The following CYFIP2 variants were observed in gnomAD, a reference collection of about 807,000 sequenced individuals.
The protein encoded by CYFIP2 is cytoplasmic FMR1 interacting protein 2, also known as cytoplasmic FMR1-interacting protein 2.
CYFIP2 carries 29 observed loss-of-function variants against 158.7 expected under a neutral mutation model. The observed-to-expected ratio is 0.18, with a 90% CI of 0.14 to 0.25. The LOEUF (loss-of-function observed/expected upper bound fraction) is 0.25. CYFIP2 is among the 10% of genes least tolerant of loss of function. The pLI, the probability that CYFIP2 is intolerant of heterozygous loss-of-function variation, is 1.00. For synonymous variants in CYFIP2, 585 were observed against 617.6 expected (o/e 0.95, Z 0.78); for missense variants, 852 against 1,639.5 (o/e 0.52, Z 8.29).
chr5:157,368,543 A>G (rs994090245), intron 26 of CYFIP2, among the ~76,000 whole-genome samples: 8 of 152,176 alleles, frequency 5.3e-5, no homozygotes, highest in African/African-American at 1.4e-4. Flanking sequence ...CTTAGCCCAG[A>G]CACAGATTAT....
At chr5:157,338,659 T>C (rs1034412984) in intron 21 of CYFIP2, among the ~76,000 whole-genome samples, 39 of 152,244 alleles carry the variant, frequency 2.6e-4, no homozygotes, top group South Asian at 2.1e-4. Context: ...GTCATAGGGT[T>C]CAACCTAATA....
intron 23 of CYFIP2, among the ~76,000 whole-genome samples, chr5:157,357,427 T>G (rs1043642763): frequency 2.0e-5 from 3 of 152,254 alleles, no homozygotes; most frequent in Non-Finnish European, 4.4e-5. Flanking sequence ...TCTAACTAGC[T>G]AGCTAATAGA....
intron 9 of CYFIP2, among the ~76,000 whole-genome samples, chr5:157,308,634 T>G (rs567042196): frequency 1.3e-5 from 2 of 152,264 alleles, no homozygotes; most frequent in African/African-American, 2.4e-5. Context: ...ATGGAGGGCA[T>G]TAGATCGAGC....
intron 21 of CYFIP2, among the ~76,000 whole-genome samples, chr5:157,336,055 G>C (rs554835917): frequency 1.1e-4 from 16 of 152,228 alleles, no homozygotes; most frequent in African/African-American, 3.1e-4. Context: ...TCAGGGAAGC[G>C]CTCTCCGATG....
intron 15 of CYFIP2, 132 bp downstream of exon 15, chr5:157,320,934 C>T (rs931435611): frequency 8.8e-6 from 10 of 1,137,932 alleles, no homozygotes; most frequent in Non-Finnish European, 1.2e-5. Flanking sequence ...AGTGGCTGCT[C>T]CGGTCTTATT....
chr5:157,324,254 A>G (rs1414459153), intron 16 of CYFIP2, among the ~76,000 whole-genome samples, 180 bp downstream of exon 16: 2 of 152,268 alleles, frequency 1.3e-5, no homozygotes, highest in Non-Finnish European at 2.9e-5. Context: ...AGGAAAGGCC[A>G]GGTTCAACTC....
rs1325729324 is a variant in CYFIP2, at chr5:157,361,710, C to T, written c.3039+112C>T. 1 of 1,332,856 alleles carries T rather than the reference C, an allele frequency of 7.5e-7. No homozygotes were observed. The highest frequency in any genetic ancestry group is 1.0e-6 in the Non-Finnish European group (1 of 969,176). 82.6% of individuals were successfully genotyped at this position (1,332,856 alleles called of 1,614,324 possible). ...GATTTGTGCTTTGAGTACAAGCTCA[C>T]ATGCTCTTTTCAGTTCATTTCCAGA... On this transcript the variant is annotated intron_variant, in intron 26 of 30. Transcript: ENST00000620254. The surrounding 1 kb of genome is among the most constrained non-coding windows in gnomAD (Gnocchi z 4.4).
At chr5:157,341,353 C>T (rs1762237739) in intron 23 of CYFIP2, among the ~76,000 whole-genome samples, 196 bp downstream of exon 23, 1 of 151,978 alleles carries the variant, frequency 6.6e-6, no homozygotes, top group South Asian at 2.1e-4. Flanking sequence ...AATTTGAGAA[C>T]AGCCTGGACA....
At chr5:157,322,034 G>A (rs1581055740) in intron 15 of CYFIP2, among the ~76,000 whole-genome samples, 1 of 152,198 alleles carries the variant, frequency 6.6e-6, no homozygotes, top group Non-Finnish European at 1.5e-5. Context: ...GGAGAGGAGA[G>A]GAAGGAGTAT....
chr5:157,366,720 A>G (rs1196094585), intron 26 of CYFIP2, among the ~76,000 whole-genome samples: 1 of 152,160 alleles, frequency 6.6e-6, no homozygotes, highest in African/African-American at 2.4e-5. Context: ...ACAAATCAGC[A>G]TTTGTTAAGT....
At chr5:157,375,901 C>G (rs11957006) in intron 26 of CYFIP2, 15,143 of 152,048 alleles carry the variant, frequency 0.1, 1,043 homozygotes, top group East Asian at 0.27. Flanking sequence ...CCTCCTCTTG[C>G]CATCAGCAAA....
rs776871043 is a variant in CYFIP2, at chr5:157,311,688, C to T, written c.1017C>T (p.Ile339=). Residue 339 remains isoleucine, a synonymous_variant, in exon 11 of 31, where the codon ATC becomes ATT. Coordinates refer to ENST00000620254, the MANE Select transcript of CYFIP2 (RefSeq NM_001037333.3). The surrounding 1 kb of genome is among the most constrained non-coding windows in gnomAD (Gnocchi z 4.7). ...GGTGGACGTGCACCCAGAGCAGCAT[C>T]AGCCCCCAGTACAATATCTGCGAGC... is the stretch of plus-strand genomic sequence containing the variant. ...KSKWTCTQSS[I]SPQYNICEQM... 2.5e-6 allele frequency: 4 copies of T among 1,610,340 alleles called. No homozygotes were observed. The highest frequency in any genetic ancestry group is 2.2e-5 in the East Asian group (1 of 44,796).
chr5:157,379,496 A>C (rs1258618360), intron 26 of CYFIP2, among the ~76,000 whole-genome samples: 1 of 150,850 alleles, frequency 6.6e-6, no homozygotes, highest in Non-Finnish European at 1.5e-5. Flanking sequence ...ACAAAAAAAA[A>C]CTCCCAACTC....
intron 1 of CYFIP2, among the ~76,000 whole-genome samples, chr5:157,284,451 G>A (rs1185298839): frequency 1.3e-5 from 2 of 152,192 alleles, no homozygotes; most frequent in Non-Finnish European, 2.9e-5. Context: ...ATAAGTGAAT[G>A]TGACTTGTAG....
chr5:157,342,989 A>T, intron 23 of CYFIP2: 2 of 1,614,140 alleles, frequency 1.2e-6, no homozygotes, highest in Middle Eastern at 1.6e-4. Flanking sequence ...CTTGCGTGGC[A>T]TTTCCACCAG....
chr5:157,333,569 C>G lies in CYFIP2; in HGVS notation c.2385+123C>G, dbSNP rs115956235. ...GAGGGGCAGTGAGTCTCTTTCCCATCTGAATGGAGCTGGGAAAGAAAAACT... is the reference window on the plus strand; with the variant it reads ...GAGGGGCAGTGAGTCTCTTTCCCATGTGAATGGAGCTGGGAAAGAAAAACT... On this transcript the variant is annotated intron_variant, in intron 21 of 30. Coordinates refer to ENST00000620254, the MANE Select transcript of CYFIP2 (RefSeq NM_001037333.3). 9.9e-4 allele frequency: 1,336 copies of G among 1,350,488 alleles called. 12 individuals carry two copies. In the African/African-American group the frequency reaches 0.016, roughly 17 times the overall value. 83.7% of individuals were successfully genotyped at this position (1,350,488 alleles called of 1,614,324 possible). A position where few individuals can be genotyped will look rare whatever the true frequency, so the allele number is the denominator to read the frequency against.
intron 23 of CYFIP2, among the ~76,000 whole-genome samples, chr5:157,348,245 A>G (rs1251154990): frequency 6.6e-6 from 1 of 152,236 alleles, no homozygotes; most frequent in Admixed American, 6.5e-5. Context: ...CTGGATTGGC[A>G]CATGGGGAAA....
rs1399394532 is a variant in CYFIP2 at position 157,304,332 on chromosome 5, A to T, written c.761A>T (p.Tyr254Phe). ...ICVDYYENKM[Y>F]LTPSEKHMLL... ...GTGGATTACTACGAGAACAAGATGT[A>T]CCTGACTCCCAGTGAGAAACATATG... is the stretch of plus-strand genomic sequence containing the variant. Residue 254 changes from tyrosine to phenylalanine, a missense_variant, in exon 8 of 31, where the codon TAC (tyrosine) becomes TTC (phenylalanine). By Grantham distance (22) the Tyr-to-Phe change is conservative. Around this residue, in one of 8 missense-constraint regions of CYFIP2, gnomAD observed 133 missense variants for 197.1 expected, o/e 0.67. Transcript: ENST00000620254. 2.5e-6 allele frequency: 4 copies of T among 1,613,996 alleles called. No individual in the cohort carries two copies. The highest frequency in any genetic ancestry group is 1.7e-6 in the Non-Finnish European group (2 of 1,179,854).
chr5:157,367,257 G>A (rs1279434883), intron 26 of CYFIP2, among the ~76,000 whole-genome samples: 1 of 152,150 alleles, frequency 6.6e-6, no homozygotes, highest in Non-Finnish European at 1.5e-5. Context: ...GGGTTGCCCT[G>A]GACTTTATAG....
Sources: gnomAD v4.1 joint callset for allele counts (sites outside exome capture counted in the v4.1 genomes callset) on GRCh38, gnomAD v4.1.1 for gene constraint, gnomAD v4.1.1 regional missense constraint, Gnocchi (gnomAD v3.1) non-coding constraint, MANE v1.5 for transcripts, NCBI Gene and HGNC (gene_info 2026-07-23, HGNC 2026-07-21) for gene names.